Variants in HDAC9 observed in about 807,000 individuals in gnomAD.
HDAC9 encodes histone deacetylase 9, also known as MEF-2 interacting transcription repressor (MITR) protein.
A neutral mutation model predicts 139.4 loss-of-function variants in HDAC9; 41 were observed. The observed-to-expected ratio is 0.29, with a 90% CI of 0.23 to 0.38. The LOEUF is 0.38. HDAC9 is among the 10% of genes least tolerant of loss of function. HDAC9 has a pLI of 1.00. For synonymous variants in HDAC9, 517 were observed against 476.2 expected (o/e 1.09, Z -1.12); for missense variants, 1,147 against 1,297.0 (o/e 0.88, Z 1.78).
chr7:18,411,816 GC>G (rs1562962504), intron 1 of HDAC9, among the ~76,000 whole-genome samples: 1 of 89,430 alleles, frequency 1.1e-5, no homozygotes, highest in Admixed American at 1.4e-4. Context: ...ATTTCAACTT[GC>G]TTTTTTTTTT....
In HDAC9 at chr7:18,591,503, G is replaced by C. The variant is rs1440667219; in HGVS notation, c.416-13G>C. The C allele has an allele frequency of 6.4e-7, 1 of 1,558,940 alleles. No homozygotes were observed. The highest frequency in any genetic ancestry group is 2.4e-5 in the East Asian group (1 of 41,836). ...TGTGTGTGTGTGTGTGTGTGTGTGT[G>C]TGTGTATTTCAGGGGCAGTGGCAAG... On this transcript the variant is annotated splice_polypyrimidine_tract_variant and intron_variant, in intron 4 of 25. Transcript: ENST00000686413.
At chr7:18,305,895 T>A (rs1370656787) in intron 1 of HDAC9, among the ~76,000 whole-genome samples, 1 of 152,030 alleles carries the variant, frequency 6.6e-6, no homozygotes. Flanking sequence ...TTTGAGGGAC[T>A]AACTGGAACG....
intron 1 of HDAC9, among the ~76,000 whole-genome samples, chr7:18,366,987 G>C (rs749201513): frequency 1.3e-5 from 2 of 151,970 alleles, no homozygotes; most frequent in Non-Finnish European, 2.9e-5. Flanking sequence ...TTCTTAATAT[G>C]TAGCATTCAC....
chr7:18,703,699 T>C (rs1221849881), intron 12 of HDAC9, among the ~76,000 whole-genome samples: 2 of 152,162 alleles, frequency 1.3e-5, no homozygotes, highest in Non-Finnish European at 2.9e-5. Context: ...CACACAGTTC[T>C]GAAAACAAAA....
At chr7:18,179,177 G>C (rs563653638) in intron 2 of HDAC9, among the ~76,000 whole-genome samples, 3 of 152,332 alleles carry the variant, frequency 2.0e-5, no homozygotes, top group African/African-American at 7.2e-5. Flanking sequence ...AGAGTTCTCT[G>C]AGGAACCACC....
Position 18,935,927 on chromosome 7 carries a change from C to T in HDAC9, c.2922C>T (p.Ala974=). ...ICDASEACVN[A]LLGNELEPLA... is the part of the protein sequence containing the mutation. ...ATGCATCAGAAGCCTGTGTAAATGC[C>T]CTTCTAGGAAATGAGGTAAAAAAGT... Residue 974 remains alanine, a synonymous_variant, in exon 23 of 26, where the codon GCC becomes GCT. Transcript: ENST00000686413. 6.2e-7 allele frequency: 1 copy of T among 1,612,284 alleles called. No homozygotes were observed. The highest frequency in any genetic ancestry group is 1.1e-5 in the South Asian group (1 of 90,918).
intron 23 of HDAC9, among the ~76,000 whole-genome samples, chr7:18,947,951 T>C (rs1183066823): frequency 6.6e-6 from 1 of 152,142 alleles, no homozygotes; most frequent in African/African-American, 2.4e-5. Flanking sequence ...TAATTCATTA[T>C]AATTCATCAC....
intron 2 of HDAC9, among the ~76,000 whole-genome samples, chr7:18,573,250 T>C (rs1194676479): frequency 6.6e-6 from 1 of 152,270 alleles, no homozygotes; most frequent in East Asian, 1.9e-4. Flanking sequence ...GATTAATCAA[T>C]TTAAATAATT....
intron 1 of HDAC9, among the ~76,000 whole-genome samples, chr7:18,106,885 A>G (rs1463317986): frequency 1.3e-5 from 2 of 152,178 alleles, no homozygotes; most frequent in African/African-American, 4.8e-5. Context: ...CAGTGCTGGA[A>G]TACTTAATAG....
intron 22 of HDAC9, among the ~76,000 whole-genome samples, chr7:18,907,187 G>T (rs1382003309): frequency 6.6e-6 from 1 of 152,164 alleles, no homozygotes; most frequent in Admixed American, 6.5e-5. Context: ...GCATGGAAAG[G>T]TGTATTTTTT....
Position 18,732,652 on chromosome 7 carries a change from TATAC to T in HDAC9, c.1909+4897_1909+4900del, listed in dbSNP as rs1470764307. 8.7e-3 allele frequency among the ~76,000 whole-genome samples: 667 copies of T among 76,642 alleles called. 116 individuals are homozygous for T. Among genetic ancestry groups the T allele is most frequent in the African/African-American group, 0.027 (386 of 14,106 alleles). 50.3% of individuals were successfully genotyped at this position (76,642 alleles called of 152,430 possible). On this transcript the variant is annotated intron_variant, in intron 13 of 25. Coordinates refer to ENST00000686413, the MANE Select transcript of HDAC9 (RefSeq NM_178425.4). Reference sequence around the variant, plus strand: ...GTGTATATGTGTGCATATGTGTATATATACACACACACGTGTATATGTGTGCGTA... The same window carrying T: ...GTGTATATGTGTGCATATGTGTATATACACACACGTGTATATGTGTGCGTA...
At chr7:18,762,390 C>T in intron 15 of HDAC9, 113 bp downstream of exon 15, 4 of 1,213,130 alleles carry the variant, frequency 3.3e-6, no homozygotes, top group South Asian at 1.5e-5. Context: ...ATCAGTTTTT[C>T]CAACAGCTTT....
intron 16 of HDAC9, among the ~76,000 whole-genome samples, chr7:18,778,666 G>T (rs551487225): frequency 2.9e-4 from 44 of 152,072 alleles, no homozygotes; most frequent in African/African-American, 9.9e-4. Flanking sequence ...TCCTTTACTG[G>T]TCTTTACTGG....
At chr7:18,408,166 G>T (rs1234073725) in intron 1 of HDAC9, among the ~76,000 whole-genome samples, 2 of 152,138 alleles carry the variant, frequency 1.3e-5, no homozygotes, top group African/African-American at 4.8e-5. Context: ...AAAAGGGGAT[G>T]AATTGTGTTA....
At chr7:18,736,498 G>C (rs1242355597) in intron 13 of HDAC9, among the ~76,000 whole-genome samples, 1 of 152,134 alleles carries the variant, frequency 6.6e-6, no homozygotes, top group Non-Finnish European at 1.5e-5. Flanking sequence ...ATAATGATGT[G>C]GTTTTGTTGT....
intron 12 of HDAC9, among the ~76,000 whole-genome samples, chr7:18,702,728 CT>C (rs373770747): frequency 3.3e-5 from 5 of 152,208 alleles, no homozygotes; most frequent in Admixed American, 6.5e-5. Flanking sequence ...TCAAGGACAA[CT>C]CGGCGGAACA....
At chr7:18,195,220 C>T (rs563908241) in intron 2 of HDAC9, among the ~76,000 whole-genome samples, 2 of 152,040 alleles carry the variant, frequency 1.3e-5, no homozygotes, top group Admixed American at 1.3e-4. Flanking sequence ...ACCTCAAAAC[C>T]TAAGGTTCCC....
intron 1 of HDAC9, among the ~76,000 whole-genome samples, chr7:18,416,368 G>A (rs1789066186): frequency 6.6e-6 from 1 of 152,086 alleles, no homozygotes; most frequent in Non-Finnish European, 1.5e-5. Context: ...ACTATTTTCT[G>A]TAGTTTTTTT....
chr7:18,384,487 G>A (rs1785731284), intron 1 of HDAC9, among the ~76,000 whole-genome samples: 1 of 151,924 alleles, frequency 6.6e-6, no homozygotes, highest in Non-Finnish European at 1.5e-5. Context: ...AAATTATGAA[G>A]GGAAACATTG....
Sources: allele counts gnomAD v4.1 joint callset (sites outside exome capture counted in the v4.1 genomes callset), GRCh38; gene constraint gnomAD v4.1.1; transcripts MANE v1.5; gene names NCBI Gene and HGNC (gene_info 2026-07-23, HGNC 2026-07-21).